Variants in MGAT4A observed in about 807,000 individuals in gnomAD.
MGAT4A encodes N-acetylglucosaminyltransferase IVa.
In MGAT4A, 33 loss-of-function variants were observed where a neutral mutation model predicts 74.1. The observed-to-expected ratio is 0.45, with a 90% CI of 0.34 to 0.60. The LOEUF (loss-of-function observed/expected upper bound fraction) is 0.60, where lower values mean the gene tolerates loss of function less well. MGAT4A is among the 20% of genes least tolerant of loss of function. The pLI is 0.02. For synonymous variants in MGAT4A, 198 were observed against 210.4 expected (o/e 0.94, Z 0.51); for missense variants, 479 against 628.3 (o/e 0.76, Z 2.54).
chr2:98,704,587 C>G (rs1702397760), intron 2 of MGAT4A, among the ~76,000 whole-genome samples: 1 of 151,846 alleles, frequency 6.6e-6, no homozygotes, highest in South Asian at 2.1e-4. Flanking sequence ...CAGCTTGGGA[C>G]AGAGTGAGAC....
At chr2:98,635,998 T>C (rs1272918448) in intron 13 of MGAT4A, among the ~76,000 whole-genome samples, 1 of 149,602 alleles carries the variant, frequency 6.7e-6, no homozygotes, top group East Asian at 2.0e-4. Flanking sequence ...AAAAATAAAA[T>C]AAAATAAAAT....
chr2:98,691,278 A>G (rs1033603491), intron 2 of MGAT4A, among the ~76,000 whole-genome samples: 2 of 151,900 alleles, frequency 1.3e-5, no homozygotes, highest in African/African-American at 4.8e-5. Flanking sequence ...AATCAGTGAA[A>G]CCCCATCTCT....
In MGAT4A at chr2:98,636,570, C is replaced by G. The variant is rs776070010; in HGVS notation, c.1348G>C (p.Glu450Gln). Residue 450 changes from glutamate (E) to glutamine (Q), a missense_variant, in exon 13 of 16, where the codon GAA (glutamate) becomes CAA (glutamine). Physicochemically the swap from Glu to Gln is conservative, Grantham distance 29 (BLOSUM62 2). Coordinates refer to ENST00000393487, the MANE Select transcript of MGAT4A (RefSeq NM_012214.3). ...ESYLFHSGNQ[E>Q]HPGDILLNTT... ...TTTAGCAGAATATCTCCAGGATGTTCTTGGTTGCCGCTATGGAACAAATAA... is the reference window on the plus strand; with the variant it reads ...TTTAGCAGAATATCTCCAGGATGTTGTTGGTTGCCGCTATGGAACAAATAA... 1.1e-5 allele frequency: 18 copies of G among 1,613,750 alleles called. No homozygotes were observed. The South Asian group carries it at 2.0e-4, about 18-fold the overall frequency.
At chr2:98,723,587 T>G (rs1702716520) in intron 2 of MGAT4A, among the ~76,000 whole-genome samples, 1 of 152,180 alleles carries the variant, frequency 6.6e-6, no homozygotes, top group South Asian at 2.1e-4. Context: ...TGCAGTACTG[T>G]GATTACCAGC....
Position 98,622,433 on chromosome 2 carries a change from T to C in MGAT4A, c.*3133A>G. ...AGCCCCCATGTGTCTACTGGCTATA[T>C]GTGTTTTTAAAACTAGTCCCAACCT... On this transcript the variant is annotated 3_prime_UTR_variant, in exon 16 of 16. Coordinates refer to ENST00000393487, the MANE Select transcript of MGAT4A (RefSeq NM_012214.3). 1 of 985,474 alleles carries C rather than the reference T, an allele frequency of 1.0e-6. No homozygotes were observed. The highest frequency in any genetic ancestry group is 1.2e-6 in the Non-Finnish European group (1 of 829,930). The allele number at this position is 985,474 out of a possible 1,614,324, so 61.0% of individuals were successfully genotyped here. A position where few individuals can be genotyped will look rare whatever the true frequency, so the allele number is the denominator to read the frequency against.
At chr2:98,678,249 A>AAAAAATATATATATATATAT in intron 3 of MGAT4A, 55 bp downstream of exon 3, 2 of 254,332 alleles carry the variant, frequency 7.9e-6, no homozygotes, top group East Asian at 2.7e-4. Flanking sequence ...AAAAAAAAAA[A>AAAAAATATATATATATATAT]ATATATATAT....
intron 2 of MGAT4A, among the ~76,000 whole-genome samples, chr2:98,713,116 A>C (rs544794593): frequency 7.1e-6 from 1 of 141,204 alleles, no homozygotes; most frequent in Non-Finnish European, 1.5e-5. Context: ...GAGCCTGGAG[A>C]TGGAGGATGC....
At chr2:98,656,964 T>G (rs1293871206) in intron 6 of MGAT4A, among the ~76,000 whole-genome samples, 1 of 152,204 alleles carries the variant, frequency 6.6e-6, no homozygotes, top group Non-Finnish European at 1.5e-5. Flanking sequence ...TCTGTCCCTC[T>G]GGAAGACATT....
chr2:98,623,809 T>C lies in MGAT4A; in HGVS notation c.*1757A>G. Reference sequence around the variant, plus strand: ...CAGGAAATGATGCTATTTCATGCTGTTGGTTCAGCACATTGGGTAACTAGA... The same window carrying C: ...CAGGAAATGATGCTATTTCATGCTGCTGGTTCAGCACATTGGGTAACTAGA... On this transcript the variant is annotated 3_prime_UTR_variant, in exon 16 of 16. Coordinates refer to ENST00000393487, the MANE Select transcript of MGAT4A (RefSeq NM_012214.3). 1 of 985,390 alleles carries C rather than the reference T, an allele frequency of 1.0e-6. No homozygotes were observed. Among genetic ancestry groups the C allele is most frequent in the Non-Finnish European group, 1.2e-6 (1 of 829,940 alleles). The allele number at this position is 985,390 out of a possible 1,614,324, so 61.0% of individuals were successfully genotyped here.
At chr2:98,724,802 A>C (rs7606094) in intron 2 of MGAT4A, among the ~76,000 whole-genome samples, 3,309 of 151,982 alleles carry the variant, frequency 0.022, 116 homozygotes, top group African/African-American at 0.076. Context: ...AAAAAAAAAA[A>C]CCCATATACT....
At chr2:98,678,506 C>A in intron 2 of MGAT4A, 35 bp from the exon 3 acceptor site, 1 of 1,372,230 alleles carries the variant, frequency 7.3e-7, no homozygotes, top group South Asian at 1.6e-5. Context: ...TAGTATATGT[C>A]TTAAAACAAA....
chr2:98,714,040 C>CAT (rs1294234763), intron 2 of MGAT4A, among the ~76,000 whole-genome samples: 1 of 152,158 alleles, frequency 6.6e-6, no homozygotes, highest in Non-Finnish European at 1.5e-5. Flanking sequence ...AACTACTGTA[C>CAT]ATATATACTG....
At chr2:98,659,502 G>A (rs1433739719) in intron 5 of MGAT4A, among the ~76,000 whole-genome samples, 1 of 152,134 alleles carries the variant, frequency 6.6e-6, no homozygotes, top group Non-Finnish European at 1.5e-5. Context: ...ATATGGTTTG[G>A]CGTGTCCCCA....
At chr2:98,677,750 G>C (rs1051617215) in intron 3 of MGAT4A, among the ~76,000 whole-genome samples, 4 of 149,936 alleles carry the variant, frequency 2.7e-5, no homozygotes, top group Non-Finnish European at 4.4e-5. Context: ...AACACACCCA[G>C]CCAATTTAAC....
chr2:98,660,455 CACA>C (rs1327489632), intron 5 of MGAT4A, among the ~76,000 whole-genome samples: 1 of 137,172 alleles, frequency 7.3e-6, no homozygotes, highest in African/African-American at 2.9e-5. Context: ...CACACACACA[CACA>C]ACAAATAGCC....
At chr2:98,723,731 T>TC (rs1183131627) in intron 2 of MGAT4A, among the ~76,000 whole-genome samples, 3 of 152,200 alleles carry the variant, frequency 2.0e-5, no homozygotes, top group African/African-American at 4.8e-5. Context: ...TGCCCAGTGT[T>TC]CCCCACTCTG....
chr2:98,727,772 A>G (rs1000850975), intron 1 of MGAT4A, among the ~76,000 whole-genome samples: 5 of 152,246 alleles, frequency 3.3e-5, no homozygotes, highest in Admixed American at 6.5e-5. Context: ...AATTCCCCCT[A>G]GTAAAGAAAG....
At chr2:98,664,037 T>A (rs1241729836) in intron 4 of MGAT4A, among the ~76,000 whole-genome samples, 1 of 151,366 alleles carries the variant, frequency 6.6e-6, no homozygotes, top group Non-Finnish European at 1.5e-5. Context: ...CGAAACCCGG[T>A]CTCTACTAAA....
intron 2 of MGAT4A, among the ~76,000 whole-genome samples, chr2:98,678,996 T>C (rs1702016887): frequency 6.6e-6 from 1 of 152,202 alleles, no homozygotes; most frequent in Non-Finnish European, 1.5e-5. Context: ...GGCTAGACTT[T>C]GGTCAAAGCC....
Sources: gnomAD v4.1 joint callset for allele counts (sites outside exome capture counted in the v4.1 genomes callset) on GRCh38, gnomAD v4.1.1 for gene constraint, MANE v1.5 for transcripts, NCBI Gene and HGNC (gene_info 2026-07-23, HGNC 2026-07-21) for gene names.